The following DLGAP2 variants were observed in gnomAD, a reference collection of about 807,000 sequenced individuals.
The protein encoded by DLGAP2 is DLG associated protein 2, also known as disks large-associated protein 2.
A neutral mutation model predicts 100.3 loss-of-function variants in DLGAP2; 26 were observed. The ratio of observed to expected loss-of-function variants is 0.26; its 90% confidence interval spans 0.19 to 0.36. The LOEUF (loss-of-function observed/expected upper bound fraction) is 0.36. Ranked by LOEUF, DLGAP2 falls within the 10% of genes least tolerant of loss-of-function variation. The pLI is 1.00. For missense variants in DLGAP2, 1,858 were observed against 1,453.2 expected (o/e 1.28, Z -4.53); for synonymous variants, 886 against 630.1 (o/e 1.41, Z -6.08).
intron 6 of DLGAP2, among the ~76,000 whole-genome samples, chr8:1,579,476 A>C (rs1385407246): frequency 6.6e-6 from 1 of 152,194 alleles, no homozygotes; most frequent in Admixed American, 6.5e-5. Context: ...ACAAGCCAAC[A>C]AGCAAACTAA....
chr8:1,146,812 C>T (rs553471724), intron 2 of DLGAP2, among the ~76,000 whole-genome samples: 1 of 152,336 alleles, frequency 6.6e-6, no homozygotes, highest in Non-Finnish European at 1.5e-5. Context: ...AGTTCAAGTC[C>T]CCACACAAGG....
chr8:1,590,077 G>T (rs1796245830), intron 6 of DLGAP2, among the ~76,000 whole-genome samples: 1 of 152,174 alleles, frequency 6.6e-6, no homozygotes, highest in African/African-American at 2.4e-5. Flanking sequence ...CCGTGGCTGT[G>T]GGTGCATCAC....
At position 833,731 on chromosome 8, in the gene DLGAP2, T is replaced by C. The variant is rs188481472; in HGVS notation, c.19-74181T>C. On this transcript the variant is annotated intron_variant, in intron 1 of 14. Coordinates refer to ENST00000637795, the MANE Select transcript of DLGAP2 (RefSeq NM_001346810.2). ...ACTTCTTTGGGGGTCATTATTCTGC[T>C]GCCAGAGGACTTGTTTTTTATTTAA... Among the ~76,000 whole-genome samples, 301 of 152,318 alleles carry C rather than the reference T, an allele frequency of 2.0e-3. 1 individual carries two copies. The highest frequency in any genetic ancestry group is 1.7e-3 in the Non-Finnish European group (119 of 68,026).
At chr8:1,372,502 C>A (rs1430880809) in intron 3 of DLGAP2, among the ~76,000 whole-genome samples, 1 of 152,320 alleles carries the variant, frequency 6.6e-6, no homozygotes, top group East Asian at 1.9e-4. Flanking sequence ...GACGTCCGGG[C>A]TGCATAATTC....
chr8:972,139 C>G (rs924566250), intron 2 of DLGAP2, among the ~76,000 whole-genome samples: 8 of 152,214 alleles, frequency 5.3e-5, no homozygotes, highest in African/African-American at 1.9e-4. Flanking sequence ...AAACCTACAT[C>G]TATAGCAGAC....
At chr8:1,256,579 G>C (rs926827668) in intron 2 of DLGAP2, among the ~76,000 whole-genome samples, 5 of 150,730 alleles carry the variant, frequency 3.3e-5, no homozygotes, top group Admixed American at 2.6e-4. Flanking sequence ...GGTGCTGTGC[G>C]TGTGTACTCT....
chr8:1,287,696 T>A (rs1554434862), intron 3 of DLGAP2, among the ~76,000 whole-genome samples: 8 of 18,434 alleles, frequency 4.3e-4, no homozygotes, highest in Non-Finnish European at 5.7e-4. Flanking sequence ...TTCGGTTCAG[T>A]GTGTGTGTGT....
intron 8 of DLGAP2, among the ~76,000 whole-genome samples, chr8:1,643,591 T>C (rs377259373): frequency 0.056 from 18 of 322 alleles, 4 homozygotes; most frequent in East Asian, 0.21. Flanking sequence ...AACCCGCCGG[T>C]CCTCACCTGT....
intron 2 of DLGAP2, among the ~76,000 whole-genome samples, chr8:1,115,042 G>A (rs1052032601): frequency 1.3e-5 from 2 of 152,152 alleles, no homozygotes; most frequent in African/African-American, 4.8e-5. Context: ...CTTTTATTGT[G>A]CTGTGGTCCA....
intron 1 of DLGAP2, chr8:822,009 G>A (rs1796592213): frequency 7.6e-6 from 3 of 397,026 alleles, no homozygotes; most frequent in African/African-American, 4.1e-5. Flanking sequence ...ACTTTTTAAT[G>A]TACATTCCAT....
chr8:739,552 C>G (rs910653313), intron 1 of DLGAP2: 20 of 152,346 alleles, frequency 1.3e-4, no homozygotes, highest in African/African-American at 4.6e-4. Flanking sequence ...TTCCTTTTCT[C>G]TGAGAAAGGT....
chr8:1,299,298 G>A (rs1318894132), intron 3 of DLGAP2, among the ~76,000 whole-genome samples: 2 of 152,236 alleles, frequency 1.3e-5, no homozygotes, highest in South Asian at 2.1e-4. Context: ...CGCATGGATG[G>A]TCTGTCTGGC....
intron 3 of DLGAP2, among the ~76,000 whole-genome samples, chr8:1,291,388 T>C (rs1800054968): frequency 6.6e-6 from 1 of 152,128 alleles, no homozygotes; most frequent in African/African-American, 2.4e-5. Context: ...GGCATTACTC[T>C]CTAAAGTCAC....
chr8:1,369,990 C>T (rs1268492226), intron 3 of DLGAP2, among the ~76,000 whole-genome samples: 1 of 152,294 alleles, frequency 6.6e-6, no homozygotes, highest in East Asian at 1.9e-4. Flanking sequence ...CTTAGGGCTT[C>T]TTCACGCAGT....
chr8:1,685,201 A>G (rs1585062727), intron 12 of DLGAP2, among the ~76,000 whole-genome samples: 2 of 152,290 alleles, frequency 1.3e-5, no homozygotes, highest in African/African-American at 2.4e-5. Context: ...GCAGCTGACA[A>G]AGAGCCCAGA....
intron 2 of DLGAP2, chr8:1,002,953 C>T (rs1055133639): frequency 5.9e-5 from 9 of 152,250 alleles, no homozygotes; most frequent in African/African-American, 1.7e-4. Context: ...TCTGTGCCTC[C>T]TGGGATAAAA....
chr8:813,458 G>A lies in DLGAP2; in HGVS notation c.18+75633G>A, dbSNP rs566599667. Among the ~76,000 whole-genome samples, 11 of 152,292 alleles carry A rather than the reference G, an allele frequency of 7.2e-5. No homozygotes were observed. In the South Asian group the frequency reaches 2.3e-3, roughly 32 times the overall value. ...ATCTTGTTTCTTTTTATTAGAAAAA[G>A]ATGCCTCATGTGAAATAGAAACATG... On this transcript the variant is annotated intron_variant, in intron 1 of 14. Transcript: ENST00000637795.
chr8:1,606,821 C>T (rs1796815492), intron 6 of DLGAP2, among the ~76,000 whole-genome samples: 1 of 152,094 alleles, frequency 6.6e-6, no homozygotes, highest in African/African-American at 2.4e-5. Flanking sequence ...GTAGCTGGGT[C>T]CACAGATGTA....
intron 2 of DLGAP2, among the ~76,000 whole-genome samples, chr8:1,229,082 G>C (rs1373724038): frequency 1.3e-5 from 2 of 152,020 alleles, no homozygotes; most frequent in East Asian, 3.9e-4. Context: ...AAGATTGTAG[G>C]ATACAAAATC....
Sources: allele counts gnomAD v4.1 joint callset (sites outside exome capture counted in the v4.1 genomes callset), GRCh38; gene constraint gnomAD v4.1.1; transcripts MANE v1.5; gene names NCBI Gene and HGNC (gene_info 2026-07-23, HGNC 2026-07-21).